FMNL2: variants seen among roughly 807,000 people sequenced by gnomAD.
FMNL2 encodes formin like 2.
FMNL2 carries 51 observed loss-of-function variants against 130.2 expected under a neutral mutation model. The observed-to-expected ratio is 0.39, with a 90% CI of 0.31 to 0.49. The LOEUF is 0.49. FMNL2 is among the 20% of genes least tolerant of loss of function. The pLI, the probability that FMNL2 is intolerant of heterozygous loss-of-function variation, is 0.85. For synonymous variants in FMNL2, 465 were observed against 467.1 expected, an observed-to-expected ratio of 1.00 and a Z score of 0.06; for missense variants, 977 against 1,316.2, an observed-to-expected ratio of 0.74 and a Z score of 3.99.
chr2:152,610,504 C>G (rs1212585714), intron 10 of FMNL2, among the ~76,000 whole-genome samples: 1 of 152,192 alleles, frequency 6.6e-6, no homozygotes, highest in Non-Finnish European at 1.5e-5. Context: ...TGCTTTCTAT[C>G]TCAATAGTTT....
chr2:152,593,882 TGTGTGTGTGTGTGTGTGTGTGA>T (rs1401761234), intron 9 of FMNL2, among the ~76,000 whole-genome samples: 3 of 104,808 alleles, frequency 2.9e-5, no homozygotes, highest in African/African-American at 7.1e-5. Flanking sequence ...TGTGTGTGTG[TGTGTGTGTGTGTGTGTGTGTGA>T]GAGAGAGAGA....
At chr2:152,434,941 A>G (rs532181277) in intron 1 of FMNL2, among the ~76,000 whole-genome samples, 3 of 152,116 alleles carry the variant, frequency 2.0e-5, no homozygotes, top group African/African-American at 7.2e-5. Context: ...TCTAGAGTCC[A>G]CAAACATGTG....
In FMNL2 at chr2:152,629,873, G is replaced by A. The variant is rs1682049742; in HGVS notation, c.2518G>A (p.Val840Ile). Residue 840 changes from valine (V) to isoleucine (I), a missense_variant, in exon 20 of 26, where the codon GTT becomes ATT. Val to Ile is a conservative substitution (Grantham distance 29). Transcript: ENST00000288670. ...CATGAATAGCAGTAAAAGAGGAGCAGTTTATGGATTTAAACTTCAGAGTTT... is the reference window on the plus strand; with the variant it reads ...CATGAATAGCAGTAAAAGAGGAGCAATTTATGGATTTAAACTTCAGAGTTT... ...NYMNSSKRGA[V>I]YGFKLQSLDL... is the part of the protein sequence containing the mutation. 1 of 1,612,096 alleles carries A rather than the reference G, an allele frequency of 6.2e-7. No homozygotes were observed. The highest frequency in any genetic ancestry group is 8.5e-7 in the Non-Finnish European group (1 of 1,179,150).
At chr2:152,513,074 A>G (rs528873283) in intron 1 of FMNL2, among the ~76,000 whole-genome samples, 58 of 152,328 alleles carry the variant, frequency 3.8e-4, no homozygotes, top group Non-Finnish European at 6.6e-4. Flanking sequence ...TTGAGATATA[A>G]TGGATACAGA....
At chr2:152,569,925 T>TCA (rs1395376819) in intron 6 of FMNL2, among the ~76,000 whole-genome samples, 4 of 151,468 alleles carry the variant, frequency 2.6e-5, no homozygotes, top group African/African-American at 9.7e-5. Flanking sequence ...GCAGGAGAAT[T>TCA]GCTTGAACCC....
At chr2:152,387,820 AT>A (rs10538950) in intron 1 of FMNL2, among the ~76,000 whole-genome samples, 31,451 of 146,140 alleles carry the variant, frequency 0.22, 3,545 homozygotes, top group Admixed American at 0.35. Flanking sequence ...TAAAAAAAAA[AT>A]TTTTTTTTTT....
In FMNL2 at chr2:152,424,283, G is replaced by A. The variant is rs1297987867; in HGVS notation, c.117+88563G>A. 5.4e-5 allele frequency among the ~76,000 whole-genome samples: 8 copies of A among 148,448 alleles called. No individual in the cohort carries two copies. In the South Asian group the frequency reaches 6.3e-4, roughly 12 times the overall value. On this transcript the variant is annotated intron_variant, in intron 1 of 25. Coordinates refer to ENST00000288670, the MANE Select transcript of FMNL2 (RefSeq NM_052905.4). ...CACCTTTGTATTTAGTAAATATAACGGATTAGCGCGTTTTGGTGGGAGGAA... is the reference window on the plus strand; with the variant it reads ...CACCTTTGTATTTAGTAAATATAACAGATTAGCGCGTTTTGGTGGGAGGAA...
At chr2:152,349,302 G>A (rs1261615292) in intron 1 of FMNL2, among the ~76,000 whole-genome samples, 2 of 152,162 alleles carry the variant, frequency 1.3e-5, no homozygotes, top group African/African-American at 2.4e-5. Flanking sequence ...CTCGAGTTCT[G>A]TTAGGTGCTT....
chr2:152,616,579 A>T (rs1221130642), intron 12 of FMNL2, among the ~76,000 whole-genome samples: 2 of 151,972 alleles, frequency 1.3e-5, no homozygotes, highest in Admixed American at 1.3e-4. Context: ...TGATCCGCCC[A>T]CCTTGGCCTC....
At chr2:152,483,099 G>A (rs1690621990) in intron 1 of FMNL2, among the ~76,000 whole-genome samples, 1 of 152,052 alleles carries the variant, frequency 6.6e-6, no homozygotes, top group African/African-American at 2.4e-5. Flanking sequence ...CTATTAATAT[G>A]AATCTTATGA....
At chr2:152,515,523 G>A (rs997266810) in intron 1 of FMNL2, among the ~76,000 whole-genome samples, 10 of 151,842 alleles carry the variant, frequency 6.6e-5, no homozygotes, top group South Asian at 2.1e-4. Context: ...TTCACTTTTC[G>A]TGCTAATGAC....
At position 152,626,622 on chromosome 2, in the gene FMNL2, G is replaced by T; in HGVS notation, c.2060G>T (p.Gly687Val). 6.2e-7 allele frequency: 1 copy of T among 1,613,004 alleles called. No individual in the cohort carries two copies. Among genetic ancestry groups the T allele is most frequent in the East Asian group, 2.2e-5 (1 of 44,844 alleles). ...AGCAAACAGAAGATACCACAGAAGG[G>T]ATCAAACAAAGTGACATTACTAGAA... is the stretch of plus-strand genomic sequence containing the variant. ...SSSKQKIPQK[G>V]SNKVTLLEAN... is the part of the protein sequence containing the mutation. Residue 687 changes from glycine to valine, a missense_variant, in exon 17 of 26, where the codon GGA (glycine) becomes GTA (valine). Transcript: ENST00000288670.
chr2:152,412,959 G>C lies in FMNL2; in HGVS notation c.117+77239G>C, dbSNP rs35704894. Among the ~76,000 whole-genome samples, 1,498 of 152,292 alleles carry C rather than the reference G, an allele frequency of 9.8e-3. 23 individuals are homozygous for C. The highest frequency in any genetic ancestry group is 0.029 in the African/African-American group (1,202 of 41,542). On this transcript the variant is annotated intron_variant, in intron 1 of 25. Transcript: ENST00000288670. Reference sequence around the variant, plus strand: ...TAGCAGCAATCTCATGGCTCAACCTGTTGAACCATTAACCCCAGGAGGGTT... The same window carrying C: ...TAGCAGCAATCTCATGGCTCAACCTCTTGAACCATTAACCCCAGGAGGGTT...
intron 1 of FMNL2, among the ~76,000 whole-genome samples, chr2:152,468,989 C>T (rs919847304): frequency 3.3e-5 from 5 of 152,044 alleles, no homozygotes; most frequent in African/African-American, 1.2e-4. Context: ...GCTTTATAGC[C>T]CTTTCTGTAA....
chr2:152,624,048 C>T (rs758719101), intron 15 of FMNL2, among the ~76,000 whole-genome samples: 2 of 1,358 alleles, frequency 1.5e-3, no homozygotes, highest in Non-Finnish European at 2.9e-3. Flanking sequence ...TCCCTTCCCT[C>T]CCCTCCCCTC....
At chr2:152,396,060 G>A (rs1294583081) in intron 1 of FMNL2, among the ~76,000 whole-genome samples, 5 of 152,132 alleles carry the variant, frequency 3.3e-5, no homozygotes, top group Non-Finnish European at 5.9e-5. Flanking sequence ...AGTCTTTAAC[G>A]TGGTTCTGTA....
At chr2:152,635,742 G>C (rs1208359229) in intron 21 of FMNL2, among the ~76,000 whole-genome samples, 1 of 152,214 alleles carries the variant, frequency 6.6e-6, no homozygotes, top group African/African-American at 2.4e-5. Context: ...CCACACTGCA[G>C]ACAGAAAGGT....
intron 1 of FMNL2, among the ~76,000 whole-genome samples, chr2:152,448,850 C>T (rs1044948276): frequency 6.6e-6 from 1 of 152,208 alleles, no homozygotes; most frequent in Admixed American, 6.5e-5. Flanking sequence ...TGATTACATG[C>T]GTGTGTCCGG....
rs190935690 is a variant in FMNL2 at position 152,358,224 on chromosome 2, A to G, written c.117+22504A>G. On this transcript the variant is annotated intron_variant, in intron 1 of 25. Coordinates refer to ENST00000288670, the MANE Select transcript of FMNL2 (RefSeq NM_052905.4). ...AGTGATTTGCCAGGGGCTCTCGGGC[A>G]TTTGGCCACAGACTGAGGCCTGCAC... Among the ~76,000 whole-genome samples, 6 of 152,312 alleles carry G rather than the reference A, an allele frequency of 3.9e-5. No homozygotes were observed. In the East Asian group the frequency reaches 9.6e-4, roughly 24 times the overall value.
Sources: allele counts gnomAD v4.1 joint callset (sites outside exome capture counted in the v4.1 genomes callset), GRCh38; gene constraint gnomAD v4.1.1; transcripts MANE v1.5; gene names NCBI Gene and HGNC (gene_info 2026-07-23, HGNC 2026-07-21).